SLC5A7: variants seen among roughly 807,000 people sequenced by gnomAD.
SLC5A7 encodes the protein solute carrier family 5 member 7, also known as high affinity choline transporter 1.
In SLC5A7, 19 loss-of-function variants were observed where a neutral mutation model predicts 55.4. That is an observed-to-expected ratio of 0.34 (90% CI 0.24 to 0.50). The LOEUF (loss-of-function observed/expected upper bound fraction) is 0.50, where lower values mean the gene tolerates loss of function less well. SLC5A7 is among the 20% of genes least tolerant of loss of function. SLC5A7 has a pLI of 0.98. For missense variants in SLC5A7, 506 were observed against 705.3 expected, an observed-to-expected ratio of 0.72 and a Z score of 3.20; for synonymous variants, 265 against 263.7, an observed-to-expected ratio of 1.00 and a Z score of -0.05.
chr2:108,011,621 A>C lies in SLC5A7; in HGVS notation c.*760A>C, dbSNP rs959252536. ...CAACCTTAAAGCAATAAGTTCATTA[A>C]ACAGAAGGTAATAGGAAGAACAGTA... On this transcript the variant is annotated 3_prime_UTR_variant, in exon 9 of 9. Transcript: ENST00000264047. The C allele has an allele frequency of 6.6e-6, 1 of 152,166 alleles. No homozygotes were observed. The highest frequency in any genetic ancestry group is 2.4e-5 in the African/African-American group (1 of 41,454). The allele number at this position is 152,166 out of a possible 1,614,324, so 9.4% of individuals were successfully genotyped here. A position where few individuals can be genotyped will look rare whatever the true frequency, so the allele number is the denominator to read the frequency against.
At chr2:108,006,285 T>A in intron 7 of SLC5A7, 83 bp downstream of exon 7, 1 of 1,476,336 alleles carries the variant, frequency 6.8e-7, no homozygotes, top group Non-Finnish European at 9.3e-7. Flanking sequence ...CTCCCCTCTT[T>A]CCTCCACATA....
At chr2:107,997,695 ATTAAC>A in intron 4 of SLC5A7, 138 bp from the exon 5 acceptor site, 1 of 730,914 alleles carries the variant, frequency 1.4e-6, no homozygotes, top group East Asian at 2.9e-5. Flanking sequence ...CAATATAAAA[ATTAAC>A]TTTAGGTGTT....
intron 4 of SLC5A7, among the ~76,000 whole-genome samples, chr2:107,995,539 A>T (rs570388389): frequency 6.7e-6 from 1 of 150,262 alleles, no homozygotes; most frequent in African/African-American, 2.5e-5. Context: ...TATTTGGGTA[A>T]TGAAAGCACT....
At chr2:107,991,088 T>C (rs1156670050) in intron 2 of SLC5A7, among the ~76,000 whole-genome samples, 1 of 152,222 alleles carries the variant, frequency 6.6e-6, no homozygotes, top group East Asian at 1.9e-4. Context: ...AAGGATTCAA[T>C]ATTATACTGT....
In SLC5A7 at chr2:108,013,861, A is replaced by C. The variant is rs893594490; in HGVS notation, c.*3000A>C. 1.8e-4 allele frequency: 27 copies of C among 152,174 alleles called. No individual in the cohort carries two copies. The highest frequency in any genetic ancestry group is 5.8e-4 in the African/African-American group (24 of 41,460). 9.4% of individuals were successfully genotyped at this position (152,174 alleles called of 1,614,324 possible). ...TCAAACAGCATCAAAATACAACTTCATTGCTACACTTACAAGTAATGAATT... is the reference window on the plus strand; with the variant it reads ...TCAAACAGCATCAAAATACAACTTCCTTGCTACACTTACAAGTAATGAATT... On this transcript the variant is annotated 3_prime_UTR_variant, in exon 9 of 9. Coordinates refer to ENST00000264047, the MANE Select transcript of SLC5A7 (RefSeq NM_021815.5).
chr2:108,002,025 T>C lies in SLC5A7; in HGVS notation c.726T>C (p.Asp242=). The C allele has an allele frequency of 6.2e-7, 1 of 1,614,054 alleles. No homozygotes were observed. The highest frequency in any genetic ancestry group is 8.5e-7 in the Non-Finnish European group (1 of 1,179,948). ...VDSSEVYSWL[D]SFLLLMLGGI... ...CATCTGAAGTCTACTCTTGGCTTGA[T>C]AGTTTTCTGTTGTTGGTAAGTAATG... The change falls in exon 6 of 9, where the codon GAT becomes GAC. Residue 242 remains aspartate, a synonymous_variant. Coordinates refer to ENST00000264047, the MANE Select transcript of SLC5A7 (RefSeq NM_021815.5).
chr2:107,987,761 T>C (rs1677302221), intron 1 of SLC5A7, among the ~76,000 whole-genome samples: 1 of 152,202 alleles, frequency 6.6e-6, no homozygotes, highest in South Asian at 2.1e-4. Context: ...AGCGCTACTC[T>C]TTGTAAATGA....
chr2:107,989,012 T>A (rs1222259701), intron 2 of SLC5A7, among the ~76,000 whole-genome samples: 3 of 152,242 alleles, frequency 2.0e-5, no homozygotes, highest in Non-Finnish European at 4.4e-5. Flanking sequence ...CAGTCATCTC[T>A]CATTCAAACC....
intron 8 of SLC5A7, 44 bp from the exon 9 acceptor site, chr2:108,010,188 C>T (rs1429208537): frequency 3.2e-6 from 5 of 1,586,838 alleles, no homozygotes; most frequent in Middle Eastern, 1.7e-4. Flanking sequence ...CTAAATGAGC[C>T]AAGACACTGT....
chr2:108,003,667 C>T (rs1678001999), intron 6 of SLC5A7, among the ~76,000 whole-genome samples: 1 of 152,138 alleles, frequency 6.6e-6, no homozygotes, highest in Non-Finnish European at 1.5e-5. Flanking sequence ...CATGTTTGCT[C>T]TCTATTAGGT....
Position 107,988,284 on chromosome 2 carries a change from A to T in SLC5A7, c.129A>T (p.Ile43=), listed in dbSNP as rs1481946568. 1.9e-6 allele frequency: 3 copies of T among 1,614,050 alleles called. No individual in the cohort carries two copies. The African/African-American group carries it at 4.0e-5, about 22-fold the overall frequency. ...GSAEERSEAI[I]VGGRDIGLLV... is the part of the protein sequence containing the mutation. Reference sequence around the variant, plus strand: ...CAGAAGAGCGCAGCGAAGCCATCATAGTTGGTGGCCGAGATATTGGTTTAT... The same window carrying T: ...CAGAAGAGCGCAGCGAAGCCATCATTGTTGGTGGCCGAGATATTGGTTTAT... Residue 43 remains isoleucine, a synonymous_variant, in exon 2 of 9, where the codon ATA becomes ATT. Coordinates refer to ENST00000264047, the MANE Select transcript of SLC5A7 (RefSeq NM_021815.5).
intron 4 of SLC5A7, 115 bp downstream of exon 4, chr2:107,993,242 T>C: frequency 9.0e-7 from 1 of 1,109,800 alleles, no homozygotes; most frequent in Admixed American, 2.7e-5. Context: ...AACCATATGC[T>C]GAACCATATT....
chr2:107,994,331 C>G (rs1357606480), intron 4 of SLC5A7, among the ~76,000 whole-genome samples: 3 of 152,172 alleles, frequency 2.0e-5, no homozygotes, highest in Non-Finnish European at 2.9e-5. Flanking sequence ...CGCCTGTAAT[C>G]CCAGCACTTT....
intron 7 of SLC5A7, 105 bp from the exon 8 acceptor site, chr2:108,008,360 A>T: frequency 1.3e-6 from 1 of 790,402 alleles, no homozygotes; most frequent in South Asian, 1.8e-5. Flanking sequence ...AATGTATATG[A>T]TTCTGAGTTT....
At position 107,988,257 on chromosome 2, in the gene SLC5A7, C is replaced by A. The variant is rs778941657; in HGVS notation, c.102C>A (p.Ser34Arg). Residue 34 changes from serine to arginine, a missense_variant, in exon 2 of 9, where the codon AGC (serine) becomes AGA (arginine). By Grantham distance (110) the Ser-to-Arg change is moderately radical. Coordinates refer to ENST00000264047, the MANE Select transcript of SLC5A7 (RefSeq NM_021815.5). ...CCTGGAGAACCAAAAACAGTGGCAGCGCAGAAGAGCGCAGCGAAGCCATCA... is the reference window on the plus strand; with the variant it reads ...CCTGGAGAACCAAAAACAGTGGCAGAGCAGAAGAGCGCAGCGAAGCCATCA... ...WAAWRTKNSG[S>R]AEERSEAIIV... 1 of 1,614,062 alleles carries A rather than the reference C, an allele frequency of 6.2e-7. No individual in the cohort carries two copies. Among genetic ancestry groups the A allele is most frequent in the East Asian group, 2.2e-5 (1 of 44,884 alleles).
chr2:108,003,831 T>G (rs1678007980), intron 6 of SLC5A7, among the ~76,000 whole-genome samples: 1 of 152,214 alleles, frequency 6.6e-6, no homozygotes, highest in Admixed American at 6.5e-5. Flanking sequence ...GACTGGGTGA[T>G]GTACAAACAG....
rs1222980876 is a variant in SLC5A7 at position 108,013,705 on chromosome 2, A to G, written c.*2844A>G. 3 of 152,136 alleles carry G rather than the reference A, an allele frequency of 2.0e-5. No individual in the cohort carries two copies. Among genetic ancestry groups the G allele is most frequent in the African/African-American group, 7.2e-5 (3 of 41,454 alleles). The allele number at this position is 152,136 out of a possible 1,614,324, so 9.4% of individuals were successfully genotyped here. A position where few individuals can be genotyped will look rare whatever the true frequency, so the allele number is the denominator to read the frequency against. ...CCTGTGGATAAAACATTAGAAGAAA[A>G]CATATATTTTATTTTCATACTTTTG... On this transcript the variant is annotated 3_prime_UTR_variant, in exon 9 of 9. Coordinates refer to ENST00000264047, the MANE Select transcript of SLC5A7 (RefSeq NM_021815.5).
chr2:108,004,878 C>A (rs1376374384), intron 6 of SLC5A7, among the ~76,000 whole-genome samples: 2 of 152,204 alleles, frequency 1.3e-5, no homozygotes, highest in Non-Finnish European at 2.9e-5. Context: ...CCCTTTCTCT[C>A]TTCTTACCAC....
chr2:108,012,906 C>A lies in SLC5A7; in HGVS notation c.*2045C>A, dbSNP rs1206370736. On this transcript the variant is annotated 3_prime_UTR_variant, in exon 9 of 9. Coordinates refer to ENST00000264047, the MANE Select transcript of SLC5A7 (RefSeq NM_021815.5). ...GGCAAACACCATTATTCCAGATGCA[C>A]CATGCTACCCAGCATGCTACCTGAA... 6.6e-6 allele frequency: 1 copy of A among 152,114 alleles called. No individual in the cohort carries two copies. Among genetic ancestry groups the A allele is most frequent in the Non-Finnish European group, 1.5e-5 (1 of 68,012 alleles). The allele number at this position is 152,114 out of a possible 1,614,324, so 9.4% of individuals were successfully genotyped here.
Sources: allele counts gnomAD v4.1 joint callset (sites outside exome capture counted in the v4.1 genomes callset), GRCh38; gene constraint gnomAD v4.1.1; transcripts MANE v1.5; gene names NCBI Gene and HGNC (gene_info 2026-07-23, HGNC 2026-07-21).